IL1RAPL2: variants seen among roughly 807,000 people sequenced by gnomAD.
The protein encoded by IL1RAPL2 is interleukin 1 receptor accessory protein like 2, also known as X-linked interleukin-1 receptor accessory protein-like 2.
IL1RAPL2 carries 3 observed loss-of-function variants against 44.1 expected under a neutral mutation model. The observed-to-expected ratio is 0.07, with a 90% confidence interval of 0.03 to 0.18. IL1RAPL2 has a LOEUF of 0.18. Among genes scored for constraint, IL1RAPL2 ranks in the 10% least tolerant of loss-of-function variants. The pLI, the probability that IL1RAPL2 is intolerant of heterozygous loss-of-function variation, is 1.00. For synonymous variants in IL1RAPL2, 181 were observed against 178.8 expected (o/e 1.01, Z -0.10); for missense variants, 391 against 496.4 (o/e 0.79, Z 2.02).
intron 5 of IL1RAPL2, among the ~76,000 whole-genome samples, chrX:105,339,923 T>A (rs1371594709): frequency 8.9e-6 from 1 of 112,127 alleles, no homozygotes; most frequent in Admixed American, 9.5e-5. Flanking sequence ...AAAGCAGTAA[T>A]AAATGTGATT....
Position 104,685,909 on chromosome X carries a change from C to A in IL1RAPL2, c.82+26914C>A, listed in dbSNP as rs189547221. Among the ~76,000 whole-genome samples the A allele has an allele frequency of 1.5e-3, 161 of 108,834 alleles. 1 individual carries two copies. The highest frequency in any genetic ancestry group is 5.1e-3 in the African/African-American group (152 of 29,898). The allele number at this position is 108,834 out of a possible 115,157, so 94.5% of individuals were successfully genotyped here. ...CGCCACTGCACTCCAGCCTGGGCAA[C>A]AGAGTGAGACTCTGTCTCAAAATAA... is the stretch of plus-strand genomic sequence containing the variant. On this transcript the variant is annotated intron_variant, in intron 2 of 10. Coordinates refer to ENST00000372582, the MANE Select transcript of IL1RAPL2 (RefSeq NM_017416.2).
At chrX:105,182,474 G>T (rs1356596184) in intron 2 of IL1RAPL2, among the ~76,000 whole-genome samples, 1 of 111,349 alleles carries the variant, frequency 9.0e-6, no homozygotes, top group African/African-American at 3.3e-5. Flanking sequence ...TTTGGTTTCT[G>T]TTTGCATGGA....
At chrX:105,383,504 A>T (rs756372679) in intron 5 of IL1RAPL2, among the ~76,000 whole-genome samples, 10 of 112,183 alleles carry the variant, frequency 8.9e-5, no homozygotes, top group Non-Finnish European at 1.9e-4. Flanking sequence ...TCTTCTATTC[A>T]TCTGTTGATA....
chrX:105,076,022 T>A (rs1412298611), intron 2 of IL1RAPL2, among the ~76,000 whole-genome samples: 6 of 111,507 alleles, frequency 5.4e-5, no homozygotes, highest in African/African-American at 2.0e-4. Flanking sequence ...TTTTGAAGGG[T>A]TTTTTGTGTC....
At chrX:105,679,238 C>CTT (rs2037901329) in intron 6 of IL1RAPL2, among the ~76,000 whole-genome samples, 3 of 111,502 alleles carry the variant, frequency 2.7e-5, no homozygotes, top group African/African-American at 9.8e-5. Flanking sequence ...TTTGTAAATA[C>CTT]TTTTTGTTAA....
intron 5 of IL1RAPL2, among the ~76,000 whole-genome samples, chrX:105,438,629 C>T (rs889923327): frequency 1.8e-5 from 2 of 109,959 alleles, no homozygotes; most frequent in African/African-American, 3.3e-5. Flanking sequence ...TAGATGGGCT[C>T]GTCTGTGATG....
At chrX:105,742,408 T>C (rs1296258884) in intron 8 of IL1RAPL2, among the ~76,000 whole-genome samples, 1 of 111,592 alleles carries the variant, frequency 9.0e-6, no homozygotes, top group African/African-American at 3.3e-5. Flanking sequence ...GGGGGGTGTC[T>C]TATCAATCAG....
At chrX:104,852,964 A>G (rs1375161317) in intron 2 of IL1RAPL2, among the ~76,000 whole-genome samples, 2 of 111,851 alleles carry the variant, frequency 1.8e-5, no homozygotes, top group African/African-American at 6.5e-5. Flanking sequence ...GGCCCAGAAA[A>G]AGGGGTATGA....
chrX:104,587,254 G>A (rs1317271786), intron 1 of IL1RAPL2, among the ~76,000 whole-genome samples: 1 of 111,619 alleles, frequency 9.0e-6, no homozygotes, highest in East Asian at 2.8e-4. Flanking sequence ...AGCGTATAAA[G>A]GATTTAGGGC....
intron 2 of IL1RAPL2, among the ~76,000 whole-genome samples, chrX:104,710,429 T>C (rs1254760420): frequency 2.7e-5 from 3 of 110,906 alleles, no homozygotes; most frequent in Non-Finnish European, 3.8e-5. Flanking sequence ...AGCAAATCCA[T>C]AGAGACAGAA....
chrX:105,517,069 T>G (rs1401343247), intron 6 of IL1RAPL2, among the ~76,000 whole-genome samples: 1 of 111,339 alleles, frequency 9.0e-6, no homozygotes, highest in Non-Finnish European at 1.9e-5. Context: ...TTGTGTAAGT[T>G]TATAGAAATC....
chrX:105,516,759 C>T (rs1003448053), intron 6 of IL1RAPL2, among the ~76,000 whole-genome samples: 1 of 111,821 alleles, frequency 8.9e-6, no homozygotes, highest in African/African-American at 3.2e-5. Context: ...CTACTGTGTG[C>T]CAGCCACATG....
chrX:105,540,327 A>G (rs759357253), intron 6 of IL1RAPL2, among the ~76,000 whole-genome samples: 136 of 111,997 alleles, frequency 1.2e-3, no homozygotes, highest in Non-Finnish European at 2.0e-3. Context: ...AAAATGTGGC[A>G]TATATACGCC....
chrX:105,184,215 G>A (rs1556132520), intron 2 of IL1RAPL2, among the ~76,000 whole-genome samples: 1 of 111,326 alleles, frequency 9.0e-6, no homozygotes, highest in East Asian at 2.8e-4. Context: ...TTGAAATTCA[G>A]CATTCTCTCT....
intron 1 of IL1RAPL2, among the ~76,000 whole-genome samples, chrX:104,629,824 A>G (rs1166445689): frequency 8.9e-6 from 1 of 111,916 alleles, no homozygotes; most frequent in African/African-American, 3.3e-5. Flanking sequence ...TTTATTGACA[A>G]TAAGTTGACT....
chrX:104,925,466 A>G lies in IL1RAPL2; in HGVS notation c.82+266471A>G, dbSNP rs770728297. Among the ~76,000 whole-genome samples the G allele has an allele frequency of 1.1e-3, 128 of 111,519 alleles. 1 individual carries two copies. Among genetic ancestry groups the G allele is most frequent in the African/African-American group, 3.6e-3 (111 of 30,688 alleles). On this transcript the variant is annotated intron_variant, in intron 2 of 10. Transcript: ENST00000372582. ...AAAATCCTTAATGAAATACCAGCAA[A>G]CCAAATCCAGCAACACATCAAAAAA...
chrX:105,081,532 A>G (rs759547686), intron 2 of IL1RAPL2, among the ~76,000 whole-genome samples: 2 of 111,750 alleles, frequency 1.8e-5, no homozygotes, highest in South Asian at 7.5e-4. Context: ...GAATAATTCA[A>G]GAATTCTTTC....
rs570398687 is a variant in IL1RAPL2, at chrX:105,308,684, G to A, written c.697+41143G>A. On this transcript the variant is annotated intron_variant, in intron 5 of 10. Coordinates refer to ENST00000372582, the MANE Select transcript of IL1RAPL2 (RefSeq NM_017416.2). Reference sequence around the variant, plus strand: ...TCTCCTTTATTACTAAAGATCCGTCGTCCTGTTGATGAACATTTAGATTGT... The same window carrying A: ...TCTCCTTTATTACTAAAGATCCGTCATCCTGTTGATGAACATTTAGATTGT... 6.8e-4 allele frequency among the ~76,000 whole-genome samples: 76 copies of A among 112,334 alleles called. No homozygotes were observed. The Middle Eastern group carries it at 0.018, about 27-fold the overall frequency.
intron 2 of IL1RAPL2, among the ~76,000 whole-genome samples, chrX:104,946,662 G>A (rs6643056): frequency 0.024 from 2,299 of 96,430 alleles, 82 homozygotes; most frequent in African/African-American, 0.084. Context: ...GAGAATATGC[G>A]GTGTTTGGTT....
Sources: allele counts gnomAD v4.1 joint callset (sites outside exome capture counted in the v4.1 genomes callset), GRCh38; gene constraint gnomAD v4.1.1; transcripts MANE v1.5; gene names NCBI Gene and HGNC (gene_info 2026-07-23, HGNC 2026-07-21).